CNTNAP2: variants seen among roughly 807,000 people sequenced by gnomAD.
The protein encoded by CNTNAP2 is contactin-associated protein-like 2.
In CNTNAP2, 98 loss-of-function variants were observed where a neutral mutation model predicts 155.2. The ratio of observed to expected loss-of-function variants is 0.63; its 90% confidence interval spans 0.54 to 0.75. The LOEUF (loss-of-function observed/expected upper bound fraction) is 0.75. Ranked by LOEUF, CNTNAP2 falls within the 30% of genes least tolerant of loss-of-function variation. The pLI is 0.00. For missense variants in CNTNAP2, 1,727 were observed against 1,688.1 expected (o/e 1.02, Z -0.40); for synonymous variants, 651 against 631.2 (o/e 1.03, Z -0.47).
At chr7:148,339,081 C>T (rs530109890) in intron 21 of CNTNAP2, among the ~76,000 whole-genome samples, 1 of 152,270 alleles carries the variant, frequency 6.6e-6, no homozygotes, top group East Asian at 1.9e-4. Flanking sequence ...GCACAGTAAC[C>T]CTTTCCATGC....
intron 13 of CNTNAP2, among the ~76,000 whole-genome samples, chr7:147,686,692 T>A (rs562832869): frequency 4.0e-5 from 6 of 150,924 alleles, no homozygotes; most frequent in East Asian, 2.0e-4. Flanking sequence ...ATCAGAAGAG[T>A]TTAGGCTGTC....
intron 10 of CNTNAP2, among the ~76,000 whole-genome samples, chr7:147,435,139 G>A (rs868805126): frequency 5.3e-5 from 8 of 152,282 alleles, no homozygotes; most frequent in Middle Eastern, 6.8e-3. Flanking sequence ...CCAAGATTTT[G>A]AAATGTAACT....
At chr7:147,984,080 A>C (rs995997312) in intron 15 of CNTNAP2, among the ~76,000 whole-genome samples, 1 of 152,126 alleles carries the variant, frequency 6.6e-6, no homozygotes, top group Non-Finnish European at 1.5e-5. Flanking sequence ...CTGTCATGTG[A>C]TGTTATGCTA....
At chr7:148,051,638 C>G (rs975291834) in intron 15 of CNTNAP2, among the ~76,000 whole-genome samples, 6 of 152,050 alleles carry the variant, frequency 3.9e-5, no homozygotes, top group African/African-American at 1.4e-4. Flanking sequence ...GTGTAAAACT[C>G]TGAAATAAAC....
intron 2 of CNTNAP2, among the ~76,000 whole-genome samples, chr7:146,794,944 C>T (rs1380288367): frequency 6.6e-6 from 1 of 152,140 alleles, no homozygotes; most frequent in Non-Finnish European, 1.5e-5. Context: ...AAGTTCTGCT[C>T]TAAAATGCAG....
At chr7:148,122,798 G>A (rs1376150892) in intron 16 of CNTNAP2, among the ~76,000 whole-genome samples, 1 of 150,594 alleles carries the variant, frequency 6.6e-6, no homozygotes, top group Non-Finnish European at 1.5e-5. Context: ...TCAATGAGCC[G>A]AGATCACACC....
chr7:146,989,810 A>G (rs1378464656), intron 3 of CNTNAP2, among the ~76,000 whole-genome samples: 1 of 152,096 alleles, frequency 6.6e-6, no homozygotes, highest in Non-Finnish European at 1.5e-5. Context: ...CAACAGAATA[A>G]AATGCATTTC....
chr7:147,755,049 T>C (rs1043656647), intron 13 of CNTNAP2, among the ~76,000 whole-genome samples: 1 of 152,190 alleles, frequency 6.6e-6, no homozygotes, highest in Non-Finnish European at 1.5e-5. Context: ...AAATTCAAGG[T>C]TGTAAACTCT....
chr7:147,687,663 A>G (rs569993013), intron 13 of CNTNAP2, among the ~76,000 whole-genome samples: 5 of 152,098 alleles, frequency 3.3e-5, no homozygotes, highest in Non-Finnish European at 7.4e-5. Flanking sequence ...TTGTATAGAG[A>G]TTCTCCAACT....
At chr7:146,313,028 G>C (rs935478927) in intron 1 of CNTNAP2, among the ~76,000 whole-genome samples, 1 of 152,098 alleles carries the variant, frequency 6.6e-6, no homozygotes, top group African/African-American at 2.4e-5. Flanking sequence ...TGGGAATGCC[G>C]ATATCTCCTT....
intron 1 of CNTNAP2, among the ~76,000 whole-genome samples, chr7:146,523,019 T>C (rs1797636732): frequency 6.6e-6 from 1 of 152,006 alleles, no homozygotes; most frequent in Admixed American, 6.6e-5. Flanking sequence ...CCATAATTTA[T>C]TGGGGTACCG....
chr7:147,841,360 T>A lies in CNTNAP2; in HGVS notation c.2099-62205T>A, dbSNP rs138334292. Among the ~76,000 whole-genome samples, 9 of 152,298 alleles carry A rather than the reference T, an allele frequency of 5.9e-5. No individual in the cohort carries two copies. The East Asian group carries it at 1.7e-3, about 29-fold the overall frequency. On this transcript the variant is annotated intron_variant, in intron 13 of 23. Coordinates refer to ENST00000361727, the MANE Select transcript of CNTNAP2 (RefSeq NM_014141.6). The stretch of plus-strand genomic sequence containing the variant: ...GATCGTCTGTTTTCTTTCAGGCTTT[T>A]GTCAGTATCTAAGGCAAGTCCTTTG...
chr7:147,628,570 A>C (rs923099610), intron 12 of CNTNAP2, among the ~76,000 whole-genome samples: 4 of 152,194 alleles, frequency 2.6e-5, no homozygotes, highest in African/African-American at 9.7e-5. Context: ...TTAAAACAAA[A>C]CATAAGGTAT....
chr7:146,355,166 T>A (rs1465643068), intron 1 of CNTNAP2, among the ~76,000 whole-genome samples: 1 of 152,246 alleles, frequency 6.6e-6, no homozygotes, highest in East Asian at 1.9e-4. Context: ...GGACTGTTTT[T>A]CTTTATATGT....
At chr7:147,413,337 C>G (rs1194868874) in intron 10 of CNTNAP2, among the ~76,000 whole-genome samples, 3 of 152,126 alleles carry the variant, frequency 2.0e-5, no homozygotes, top group Non-Finnish European at 4.4e-5. Context: ...GTAGCTTGTT[C>G]CAACACAACA....
At chr7:147,760,805 G>A (rs1444601136) in intron 13 of CNTNAP2, among the ~76,000 whole-genome samples, 4 of 152,164 alleles carry the variant, frequency 2.6e-5, no homozygotes, top group African/African-American at 9.7e-5. Flanking sequence ...TGGGAATACT[G>A]TAGGAAGCAA....
chr7:146,744,540 T>G (rs1262646762), intron 1 of CNTNAP2, among the ~76,000 whole-genome samples: 1 of 152,220 alleles, frequency 6.6e-6, no homozygotes, highest in African/African-American at 2.4e-5. Context: ...ATGCCAACAT[T>G]TCAAGGAGCA....
intron 1 of CNTNAP2, among the ~76,000 whole-genome samples, chr7:146,137,658 T>C (rs1186650161): frequency 6.6e-6 from 1 of 152,068 alleles, no homozygotes; most frequent in African/African-American, 2.4e-5. Flanking sequence ...TTATTTTCAA[T>C]TTAAAAAATA....
intron 10 of CNTNAP2, among the ~76,000 whole-genome samples, chr7:147,460,729 G>T (rs1798007649): frequency 6.6e-6 from 1 of 152,146 alleles, no homozygotes; most frequent in African/African-American, 2.4e-5. Context: ...AAGGAAATTG[G>T]TGCCTATACT....
Sources: gnomAD v4.1 joint callset for allele counts (sites outside exome capture counted in the v4.1 genomes callset) on GRCh38, gnomAD v4.1.1 for gene constraint, MANE v1.5 for transcripts, NCBI Gene and HGNC (gene_info 2026-07-23, HGNC 2026-07-21) for gene names.